The following ADAMTS9 variants were observed in gnomAD, a reference collection of about 807,000 sequenced individuals.
ADAMTS9 encodes ADAM metallopeptidase with thrombospondin type 1 motif 9.
ADAMTS9 carries 107 observed loss-of-function variants against 257.1 expected under a neutral mutation model. The observed-to-expected ratio is 0.42, with a 90% CI of 0.36 to 0.49. The LOEUF is 0.49. ADAMTS9 is among the 20% of genes least tolerant of loss of function. The pLI, the probability that ADAMTS9 is intolerant of heterozygous loss-of-function variation, is 0.03. For missense variants in ADAMTS9, 2,353 were observed against 2,469.1 expected, an observed-to-expected ratio of 0.95 and a Z score of 1.00; for synonymous variants, 982 against 880.9, an observed-to-expected ratio of 1.11 and a Z score of -2.03.
intron 30 of ADAMTS9, among the ~76,000 whole-genome samples, chr3:64,551,839 A>C (rs1266880740): frequency 6.6e-6 from 1 of 152,206 alleles, no homozygotes; most frequent in African/African-American, 2.4e-5. Context: ...AGCATAAAGG[A>C]AAGTTTCAGC....
At chr3:64,626,122 T>C (rs748728946) in intron 16 of ADAMTS9, among the ~76,000 whole-genome samples, 19 of 152,338 alleles carry the variant, frequency 1.2e-4, no homozygotes, top group Middle Eastern at 3.4e-3. Context: ...TTATATGGAT[T>C]AAATAAGAAT....
chr3:64,687,068 C>A lies in ADAMTS9; in HGVS notation c.116-100G>T. ...ACTTTGTTCTGACCTTATTTTCCAG[C>A]CCATTCGAGTCAATCCCTTCACCCT... On this transcript the variant is annotated intron_variant, in intron 1 of 39. Transcript: ENST00000498707. The surrounding 1 kb of genome is among the most constrained non-coding windows in gnomAD (Gnocchi z 4.4). 7.2e-7 allele frequency: 1 copy of A among 1,397,092 alleles called. No homozygotes were observed. Among genetic ancestry groups the A allele is most frequent in the Non-Finnish European group, 9.7e-7 (1 of 1,029,814 alleles). The allele number at this position is 1,397,092 out of a possible 1,614,324, so 86.5% of individuals were successfully genotyped here.
intron 22 of ADAMTS9, among the ~76,000 whole-genome samples, chr3:64,609,358 T>C (rs1449312759): frequency 6.6e-6 from 1 of 152,116 alleles, no homozygotes; most frequent in Non-Finnish European, 1.5e-5. Context: ...TATTTGCAGA[T>C]GTCATCATAC....
At chr3:64,649,304 C>T (rs1337031590) in intron 10 of ADAMTS9, among the ~76,000 whole-genome samples, 1 of 152,114 alleles carries the variant, frequency 6.6e-6, no homozygotes, top group Non-Finnish European at 1.5e-5. Context: ...TTAAAGGCAA[C>T]AAGGAGAGAA....
At chr3:64,684,313 T>A (rs1157912745) in intron 2 of ADAMTS9, among the ~76,000 whole-genome samples, 1 of 151,608 alleles carries the variant, frequency 6.6e-6, no homozygotes, top group Non-Finnish European at 1.5e-5. Context: ...GGGATAGATT[T>A]AGGGTAGAGA....
At chr3:64,624,722 T>C (rs562242705) in intron 16 of ADAMTS9, among the ~76,000 whole-genome samples, 4 of 152,236 alleles carry the variant, frequency 2.6e-5, no homozygotes, top group Admixed American at 6.5e-5. Flanking sequence ...ATCAATTGCC[T>C]TATTCTTTTC....
At position 64,673,182 on chromosome 3, in the gene ADAMTS9, C is replaced by T. The variant is rs138092038; in HGVS notation, c.679+8019G>A. Among the ~76,000 whole-genome samples the T allele has an allele frequency of 6.0e-4, 92 of 152,294 alleles. 1 individual carries two copies. In the South Asian group the frequency reaches 0.013, roughly 22 times the overall value. On this transcript the variant is annotated intron_variant, in intron 3 of 39. Transcript: ENST00000498707. ...TGGGTCACACACACCCTATGCATGA[C>T]GGCACTGTAAATTGAGGATCTTCCT...
chr3:64,659,508 A>G (rs920311871), intron 3 of ADAMTS9, among the ~76,000 whole-genome samples: 1 of 151,648 alleles, frequency 6.6e-6, no homozygotes, highest in Non-Finnish European at 1.5e-5. Context: ...TGTTTCATAT[A>G]TATCACTCCT....
At chr3:64,663,495 A>G (rs1232831741) in intron 3 of ADAMTS9, among the ~76,000 whole-genome samples, 1 of 151,740 alleles carries the variant, frequency 6.6e-6, no homozygotes, top group Non-Finnish European at 1.5e-5. Flanking sequence ...CAGAGGGGAA[A>G]AACAAATGTA....
rs749602295 is a variant in ADAMTS9 at position 64,541,253 on chromosome 3, G to A, written c.5388-25C>T. 5.0e-6 allele frequency: 8 copies of A among 1,614,138 alleles called. No homozygotes were observed. The South Asian group carries it at 8.8e-5, about 18-fold the overall frequency. On this transcript the variant is annotated intron_variant, in intron 35 of 39. Transcript: ENST00000498707. ...CCTAAATTATACAGAGAATGTTCTG[G>A]TAAGGATGGGAAAGCATTTCCAGGG... is the stretch of plus-strand genomic sequence containing the variant.
chr3:64,677,163 G>A (rs767239365), intron 3 of ADAMTS9, among the ~76,000 whole-genome samples: 2 of 152,150 alleles, frequency 1.3e-5, no homozygotes, highest in South Asian at 4.1e-4. Flanking sequence ...GGGGCTAGCA[G>A]GCAGTGAGCA....
chr3:64,578,019 C>A (rs113833507), intron 28 of ADAMTS9, among the ~76,000 whole-genome samples: 2 of 152,130 alleles, frequency 1.3e-5, no homozygotes, highest in African/African-American at 4.8e-5. Context: ...ATAACATTTT[C>A]GGGAAGCAGC....
chr3:64,543,541 G>A (rs549305574), intron 32 of ADAMTS9, among the ~76,000 whole-genome samples: 1 of 152,284 alleles, frequency 6.6e-6, no homozygotes. Flanking sequence ...AATAGATGCA[G>A]AAAAGGCCTT....
In ADAMTS9 at chr3:64,655,560, T is replaced by G. The variant is rs763153452; in HGVS notation, c.1169+16A>C. The stretch of plus-strand genomic sequence containing the variant: ...ACCTGAGACTGAAAGATCTGAGGAA[T>G]AAGAAATCCATATACCTTGTTAAGA... On this transcript the variant is annotated intron_variant, in intron 6 of 39. Transcript: ENST00000498707. 1.3e-6 allele frequency: 2 copies of G among 1,590,196 alleles called. No individual in the cohort carries two copies. Among genetic ancestry groups the G allele is most frequent in the South Asian group, 1.1e-5 (1 of 90,442 alleles).
At position 64,531,723 on chromosome 3, in the gene ADAMTS9, G is replaced by C. The variant is rs9809121; in HGVS notation, c.5718+1443C>G. ...ATCAGGCGATCCTCACTGTGTATTT[G>C]AAATTCTAATTTAACTGGGTGTCCT... On this transcript the variant is annotated intron_variant, in intron 38 of 39. Coordinates refer to ENST00000498707, the MANE Select transcript of ADAMTS9 (RefSeq NM_182920.2). Among the ~76,000 whole-genome samples, 916 of 152,282 alleles carry C rather than the reference G, an allele frequency of 6.0e-3. 13 individuals carry two copies. Among genetic ancestry groups the C allele is most frequent in the African/African-American group, 0.02 (843 of 41,546 alleles).
intron 3 of ADAMTS9, among the ~76,000 whole-genome samples, chr3:64,675,845 G>A (rs1701612049): frequency 6.6e-6 from 1 of 152,108 alleles, no homozygotes; most frequent in Non-Finnish European, 1.5e-5. Context: ...GCTGACCAAT[G>A]TATTACATAT....
intron 26 of ADAMTS9, among the ~76,000 whole-genome samples, chr3:64,600,749 C>T (rs900148696): frequency 6.6e-6 from 1 of 152,178 alleles, no homozygotes; most frequent in African/African-American, 2.4e-5. Flanking sequence ...GGCAACTTGG[C>T]AGCTGTTCTG....
intron 37 of ADAMTS9, among the ~76,000 whole-genome samples, chr3:64,536,441 T>C (rs543596372): frequency 6.6e-6 from 1 of 152,360 alleles, no homozygotes; most frequent in African/African-American, 2.4e-5. Context: ...GTTTACTAGT[T>C]GGTCCGTAAA....
chr3:64,581,968 T>C (rs529430507), intron 28 of ADAMTS9, among the ~76,000 whole-genome samples: 26 of 152,170 alleles, frequency 1.7e-4, no homozygotes, highest in Non-Finnish European at 2.9e-4. Flanking sequence ...TCTCAAAGCT[T>C]TGGAGTCACT....
Sources: allele counts gnomAD v4.1 joint callset (sites outside exome capture counted in the v4.1 genomes callset), GRCh38; gene constraint gnomAD v4.1.1; non-coding constraint Gnocchi (gnomAD v3.1); transcripts MANE v1.5; gene names NCBI Gene and HGNC (gene_info 2026-07-23, HGNC 2026-07-21).